Variants in WASHC4 observed in about 807,000 individuals in gnomAD.
WASHC4 encodes the protein WASH complex subunit 7.
WASHC4 carries 86 observed loss-of-function variants against 166.6 expected under a neutral mutation model. The ratio of observed to expected loss-of-function variants is 0.52; its 90% CI spans 0.43 to 0.62. The LOEUF (loss-of-function observed/expected upper bound fraction) is 0.62. Among genes scored for constraint, WASHC4 ranks in the 20% least tolerant of loss-of-function variants. WASHC4 has a pLI of 0.00. For synonymous variants in WASHC4, 446 were observed against 451.6 expected (o/e 0.99, Z 0.16); for missense variants, 1,262 against 1,382.4 (o/e 0.91, Z 1.38).
At chr12:105,130,195 A>C (rs923505025) in intron 13 of WASHC4, among the ~76,000 whole-genome samples, 1 of 152,252 alleles carries the variant, frequency 6.6e-6, no homozygotes, top group African/African-American at 2.4e-5. Flanking sequence ...TTTAGATAAA[A>C]TGAGTCTTAG....
At chr12:105,147,955 T>C in intron 24 of WASHC4, 4 of 985,232 alleles carry the variant, frequency 4.1e-6, no homozygotes, top group Non-Finnish European at 4.8e-6. Context: ...TTGAAGGAAT[T>C]ATTTGAACTC....
chr12:105,130,907 G>A (rs551172206), intron 13 of WASHC4, among the ~76,000 whole-genome samples: 1 of 152,268 alleles, frequency 6.6e-6, no homozygotes, highest in African/African-American at 2.4e-5. Flanking sequence ...ACACTGTTTA[G>A]TGCTTTATGT....
rs151208817 is a variant in WASHC4 at position 105,142,100 on chromosome 12, A to G, written c.1788-353A>G. On this transcript the variant is annotated intron_variant, in intron 18 of 32. Coordinates refer to ENST00000332180, the MANE Select transcript of WASHC4 (RefSeq NM_015275.3). ...GTGATGCAAGTATTTAAGTCTAGTCATAGCAAATAATATTGAAAATGAGTT... is the reference window on the plus strand; with the variant it reads ...GTGATGCAAGTATTTAAGTCTAGTCGTAGCAAATAATATTGAAAATGAGTT... Among the ~76,000 whole-genome samples the G allele has an allele frequency of 1.8e-3, 267 of 152,080 alleles. 1 individual carries two copies. Among genetic ancestry groups the G allele is most frequent in the African/African-American group, 6.1e-3 (254 of 41,516 alleles).
chr12:105,144,713 G>A lies in WASHC4; in HGVS notation c.2180-5G>A. ...TTCACAAGTTGAATTTTTTTTTTTT[G>A]GTAGCTTACGTAACTCACTACCTAG... On this transcript the variant is annotated splice_region_variant and splice_polypyrimidine_tract_variant and intron_variant, in intron 21 of 32. Transcript: ENST00000332180. The A allele has an allele frequency of 6.7e-7, 1 of 1,501,660 alleles. No homozygotes were observed. 93.0% of individuals were successfully genotyped at this position (1,501,660 alleles called of 1,614,324 possible).
chr12:105,139,425 GTATATATATATATATA>G lies in WASHC4; in HGVS notation c.1453-851_1453-836del, dbSNP rs71069791. On this transcript the variant is annotated intron_variant, in intron 15 of 32. Transcript: ENST00000332180. ...AGACAGACTATATATATGTGTGTGT[GTATATATATATATATA>G]TATATATATATATATATGCCTCCCA... is the stretch of plus-strand genomic sequence containing the variant. Among the ~76,000 whole-genome samples the G allele has an allele frequency of 4.3e-4, 44 of 103,224 alleles. 2 individuals carry two copies. The highest frequency in any genetic ancestry group is 0.013 in the Middle Eastern group (2 of 154). The allele number at this position is 103,224 out of a possible 152,430, so 67.7% of individuals were successfully genotyped here.
At chr12:105,129,594 T>C (rs1881616485) in intron 13 of WASHC4, among the ~76,000 whole-genome samples, 1 of 152,212 alleles carries the variant, frequency 6.6e-6, no homozygotes, top group South Asian at 2.1e-4. Context: ...GCAGCATCCC[T>C]AGATGCAGCT....
intron 25 of WASHC4, among the ~76,000 whole-genome samples, chr12:105,150,218 G>A (rs1883631742): frequency 6.6e-6 from 1 of 152,166 alleles, no homozygotes. Context: ...ATACAGATCT[G>A]CTTCAAGTTG....
intron 13 of WASHC4, among the ~76,000 whole-genome samples, chr12:105,131,127 T>TGCGGACTGC (rs1566007184): frequency 6.0e-5 from 9 of 149,416 alleles, no homozygotes; most frequent in African/African-American, 2.2e-4. Context: ...TCTCCCAGGT[T>TGCGGACTGC]GGACTGCGGA....
rs1177157243 is a variant in WASHC4, at chr12:105,149,696, T to C, written c.2596T>C (p.Leu866=). The change falls in exon 25 of 33, where the codon TTG becomes CTG. Residue 866 remains leucine, a synonymous_variant. Coordinates refer to ENST00000332180, the MANE Select transcript of WASHC4 (RefSeq NM_015275.3). ...GTATGATGAACACATCAAATCCAGA[T>C]TGATTAAAGATATTCGATTTTTCAG... is the stretch of plus-strand genomic sequence containing the variant. The part of the protein sequence containing the change: ...FMYDEHIKSR[L]IKDIRFFREI... 2 of 1,582,722 alleles carry C rather than the reference T, an allele frequency of 1.3e-6. No individual in the cohort carries two copies. Among genetic ancestry groups the C allele is most frequent in the East Asian group, 2.2e-5 (1 of 44,506 alleles).
chr12:105,142,869 T>C (rs1882982944), intron 19 of WASHC4, among the ~76,000 whole-genome samples: 1 of 152,084 alleles, frequency 6.6e-6, no homozygotes, highest in Admixed American at 6.5e-5. Flanking sequence ...TAAGAAATAT[T>C]CATATTTTTC....
chr12:105,147,670 C>T (rs924884577), intron 24 of WASHC4: 17 of 759,862 alleles, frequency 2.2e-5, no homozygotes, highest in Non-Finnish European at 2.7e-5. Context: ...CTTTGGGAGG[C>T]TGAAGCAGGA....
At chr12:105,163,090 G>A (rs2135844544) in intron 30 of WASHC4, among the ~76,000 whole-genome samples, 1 of 152,160 alleles carries the variant, frequency 6.6e-6, no homozygotes, top group South Asian at 2.1e-4. Context: ...CCGAGTAGCT[G>A]GGACTACAGG....
At chr12:105,148,421 C>T in intron 24 of WASHC4, 1 of 985,374 alleles carries the variant, frequency 1.0e-6, no homozygotes, top group Non-Finnish European at 1.2e-6. Context: ...GTGAGAAAAA[C>T]ACATTTCCTG....
chr12:105,159,922 T>C lies in WASHC4; in HGVS notation c.2913-79T>C, dbSNP rs556354488. The stretch of plus-strand genomic sequence containing the variant: ...GTTTCCTGCTTTTCAAGTGTTCTTA[T>C]CTAAACTATTGAGAGATGGATTTTT... On this transcript the variant is annotated intron_variant, in intron 28 of 32. Coordinates refer to ENST00000332180, the MANE Select transcript of WASHC4 (RefSeq NM_015275.3). 42 of 1,307,172 alleles carry C rather than the reference T, an allele frequency of 3.2e-5. No individual in the cohort carries two copies. In the African/African-American group the frequency reaches 4.7e-4, roughly 14 times the overall value. 81.0% of individuals were successfully genotyped at this position (1,307,172 alleles called of 1,614,324 possible). A position where few individuals can be genotyped will look rare whatever the true frequency, so the allele number is the denominator to read the frequency against.
chr12:105,154,164 G>A (rs538835901), intron 26 of WASHC4, among the ~76,000 whole-genome samples: 69 of 151,752 alleles, frequency 4.5e-4, no homozygotes, highest in African/African-American at 1.6e-3. Flanking sequence ...CTTAGTATAT[G>A]GGACTTCAGG....
intron 21 of WASHC4, 39 bp downstream of exon 21, chr12:105,144,494 T>C (rs749262235): frequency 2.4e-4 from 107 of 437,264 alleles, no homozygotes; most frequent in East Asian, 1.1e-3. Flanking sequence ...CATATTCTCT[T>C]TTTTTTTTTT....
chr12:105,162,108 A>G (rs1395771864), intron 29 of WASHC4, among the ~76,000 whole-genome samples: 3 of 152,214 alleles, frequency 2.0e-5, no homozygotes, highest in African/African-American at 7.2e-5. Context: ...AACTCTAGAT[A>G]GAAATCATTT....
At position 105,121,212 on chromosome 12, in the gene WASHC4, A is replaced by G; in HGVS notation, c.665+8A>G. ...CTGGACTATGTACAAAAGGTACACC[A>G]ATTAAAATATTTTAAAATGTTTCTT... is the stretch of plus-strand genomic sequence containing the variant. On this transcript the variant is annotated splice_region_variant and intron_variant, in intron 9 of 32. Coordinates refer to ENST00000332180, the MANE Select transcript of WASHC4 (RefSeq NM_015275.3). 1 of 1,437,166 alleles carries G rather than the reference A, an allele frequency of 7.0e-7. No individual in the cohort carries two copies. Among genetic ancestry groups the G allele is most frequent in the Non-Finnish European group, 9.8e-7 (1 of 1,020,430 alleles). 89.0% of individuals were successfully genotyped at this position (1,437,166 alleles called of 1,614,324 possible).
At chr12:105,150,778 A>G (rs1013646365) in intron 25 of WASHC4, among the ~76,000 whole-genome samples, 3 of 152,196 alleles carry the variant, frequency 2.0e-5, no homozygotes, top group Non-Finnish European at 4.4e-5. Context: ...ACAGTTCTGC[A>G]TGGCTGGGGA....
Sources: gnomAD v4.1 joint callset for allele counts (sites outside exome capture counted in the v4.1 genomes callset) on GRCh38, gnomAD v4.1.1 for gene constraint, MANE v1.5 for transcripts, NCBI Gene and HGNC (gene_info 2026-07-23, HGNC 2026-07-21) for gene names.